AGBL4: variants seen among roughly 807,000 people sequenced by gnomAD.
The protein encoded by AGBL4 is cytosolic carboxypeptidase 6.
Under a neutral mutation model 66.4 loss-of-function variants are expected in AGBL4, and 58 were observed. The observed-to-expected ratio is 0.87, with a 90% CI of 0.71 to 1.09. The LOEUF (loss-of-function observed/expected upper bound fraction) is 1.09, where lower values mean the gene tolerates loss of function less well. Among genes scored for constraint, AGBL4 ranks in the 50% least tolerant of loss-of-function variants. AGBL4 has a pLI of 0.00. For synonymous variants in AGBL4, 234 were observed against 222.9 expected, an observed-to-expected ratio of 1.05 and a Z score of -0.44; for missense variants, 579 against 631.0, an observed-to-expected ratio of 0.92 and a Z score of 0.88.
At chr1:49,877,350 T>G (rs1274098245) in intron 1 of AGBL4, among the ~76,000 whole-genome samples, 3 of 152,164 alleles carry the variant, frequency 2.0e-5, no homozygotes, top group South Asian at 4.1e-4. Context: ...CCTAATTTAT[T>G]GAGAGTTTTT....
At chr1:49,343,567 G>C (rs1645582982) in intron 3 of AGBL4, among the ~76,000 whole-genome samples, 2 of 152,138 alleles carry the variant, frequency 1.3e-5, no homozygotes, top group South Asian at 4.1e-4. Context: ...AAACTAATTG[G>C]CTTTGGGTTG....
chr1:49,501,484 G>C (rs931928228), intron 3 of AGBL4, among the ~76,000 whole-genome samples: 2 of 151,934 alleles, frequency 1.3e-5, no homozygotes, highest in Non-Finnish European at 2.9e-5. Flanking sequence ...CATTTCTGTG[G>C]TATCAGTGGT....
At chr1:48,581,156 C>A (rs563964110) in intron 11 of AGBL4, among the ~76,000 whole-genome samples, 2 of 152,216 alleles carry the variant, frequency 1.3e-5, no homozygotes, top group East Asian at 3.9e-4. Context: ...AAGCTTTTTT[C>A]ATCTGTCTTT....
At chr1:49,850,087 G>A (rs1646268207) in intron 2 of AGBL4, among the ~76,000 whole-genome samples, 2 of 152,174 alleles carry the variant, frequency 1.3e-5, no homozygotes, top group African/African-American at 2.4e-5. Context: ...CGTAATGACT[G>A]AATCATGTCC....
rs192453230 is a variant in AGBL4 at position 49,923,904 on chromosome 1, T to C, written c.35-72386A>G. Among the ~76,000 whole-genome samples the C allele has an allele frequency of 5.3e-5, 8 of 152,268 alleles. No individual in the cohort carries two copies. The East Asian group carries it at 1.5e-3, about 29-fold the overall frequency. Reference sequence around the variant, plus strand: ...TTAGTTCAACCATTGTAGAAGACAGTGTGGTGATTCCTCGAAGACCTAAAG... The same window carrying C: ...TTAGTTCAACCATTGTAGAAGACAGCGTGGTGATTCCTCGAAGACCTAAAG... On this transcript the variant is annotated intron_variant, in intron 1 of 13. Coordinates refer to ENST00000371839, the MANE Select transcript of AGBL4 (RefSeq NM_032785.4).
At chr1:49,841,278 C>G (rs1645982216) in intron 2 of AGBL4, among the ~76,000 whole-genome samples, 1 of 152,116 alleles carries the variant, frequency 6.6e-6, no homozygotes. Flanking sequence ...ATGAAATACA[C>G]AGGACTACAG....
rs1333608635 is a variant in AGBL4 at position 49,925,110 on chromosome 1, G to T, written c.35-73592C>A. 2.0e-5 allele frequency among the ~76,000 whole-genome samples: 3 copies of T among 152,326 alleles called. No homozygotes were observed. In the East Asian group the frequency reaches 5.8e-4, roughly 29 times the overall value. On this transcript the variant is annotated intron_variant, in intron 1 of 13. Transcript: ENST00000371839. ...TCTCTAATCCAAAGCAGTGTGGCTT[G>T]TAGCTCATGGGGTGACTCCATCCTT...
intron 4 of AGBL4, among the ~76,000 whole-genome samples, chr1:49,234,218 G>A (rs915652258): frequency 2.0e-5 from 3 of 152,126 alleles, no homozygotes; most frequent in East Asian, 1.9e-4. Context: ...ACTGGGACAC[G>A]AAAAATAAAT....
intron 4 of AGBL4, among the ~76,000 whole-genome samples, chr1:49,086,081 C>A (rs1644902022): frequency 6.6e-6 from 1 of 152,186 alleles, no homozygotes; most frequent in Non-Finnish European, 1.5e-5. Context: ...CTCCTATTGT[C>A]CTGGGAAGCA....
intron 5 of AGBL4, among the ~76,000 whole-genome samples, chr1:48,932,072 T>C (rs919168572): frequency 1.3e-5 from 2 of 152,110 alleles, no homozygotes; most frequent in African/African-American, 4.8e-5. Context: ...GGTCCCTCTC[T>C]CCACCTGAGC....
chr1:49,349,413 C>A (rs913971095), intron 3 of AGBL4, among the ~76,000 whole-genome samples: 9 of 152,158 alleles, frequency 5.9e-5, no homozygotes, highest in Non-Finnish European at 1.2e-4. Flanking sequence ...CTACCAGGTT[C>A]TTTCCTCCCT....
intron 4 of AGBL4, among the ~76,000 whole-genome samples, chr1:49,128,683 C>A (rs772782880): frequency 6.6e-6 from 1 of 151,824 alleles, no homozygotes; most frequent in African/African-American, 2.4e-5. Context: ...TAAACCTGGA[C>A]AATAATATCA....
intron 6 of AGBL4, among the ~76,000 whole-genome samples, chr1:48,691,471 C>A (rs577141674): frequency 6.6e-6 from 1 of 152,062 alleles, no homozygotes; most frequent in African/African-American, 2.4e-5. Flanking sequence ...TTCAGAAAGG[C>A]AGAAAGGAGG....
At chr1:48,747,754 C>A (rs1292268996) in intron 6 of AGBL4, among the ~76,000 whole-genome samples, 1 of 152,142 alleles carries the variant, frequency 6.6e-6, no homozygotes. Flanking sequence ...CTTGTTGTAT[C>A]GTAAACTGGA....
At chr1:49,487,396 C>T (rs1158143673) in intron 3 of AGBL4, among the ~76,000 whole-genome samples, 4 of 151,908 alleles carry the variant, frequency 2.6e-5, no homozygotes, top group Non-Finnish European at 5.9e-5. Flanking sequence ...TTGTAATTCT[C>T]ATAATCCCCA....
chr1:49,495,522 G>A (rs535286365), intron 3 of AGBL4, among the ~76,000 whole-genome samples: 3 of 151,390 alleles, frequency 2.0e-5, no homozygotes, highest in African/African-American at 7.3e-5. Context: ...TGCCTCATGT[G>A]TGGATTTTTG....
At chr1:49,758,114 G>A (rs1045494612) in intron 2 of AGBL4, among the ~76,000 whole-genome samples, 1 of 152,166 alleles carries the variant, frequency 6.6e-6, no homozygotes, top group Non-Finnish European at 1.5e-5. Context: ...TACAGCTCTG[G>A]CTATGGCTTC....
intron 6 of AGBL4, among the ~76,000 whole-genome samples, chr1:48,782,459 G>A (rs1383164067): frequency 6.6e-6 from 1 of 152,162 alleles, no homozygotes; most frequent in Non-Finnish European, 1.5e-5. Flanking sequence ...TTTTTAAGGA[G>A]ACCTGGGTTT....
chr1:49,744,602 G>A (rs1650839482), intron 2 of AGBL4, among the ~76,000 whole-genome samples: 1 of 152,060 alleles, frequency 6.6e-6, no homozygotes, highest in Admixed American at 6.6e-5. Flanking sequence ...TAACTTGAAT[G>A]CCGAAGAAGA....
Sources: allele counts gnomAD v4.1 joint callset (sites outside exome capture counted in the v4.1 genomes callset), GRCh38; gene constraint gnomAD v4.1.1; transcripts MANE v1.5; gene names NCBI Gene and HGNC (gene_info 2026-07-23, HGNC 2026-07-21).